Variants in GLT1D1 observed in about 807,000 individuals in gnomAD.
GLT1D1 encodes the protein glycosyltransferase 1 domain containing 1.
In GLT1D1, 21 loss-of-function variants were observed where a neutral mutation model predicts 28.7. The ratio of observed to expected loss-of-function variants is 0.73; its 90% confidence interval spans 0.52 to 1.05. The LOEUF (loss-of-function observed/expected upper bound fraction) is 1.05. Ranked by LOEUF, GLT1D1 falls within the 50% of genes least tolerant of loss-of-function variation. The probability of loss-of-function intolerance (pLI) is 0.00; values close to 1 mark genes in which losing one functional copy is unlikely to be tolerated. For synonymous variants in GLT1D1, 147 were observed against 124.8 expected (o/e 1.18, Z -1.19); for missense variants, 343 against 330.6 (o/e 1.04, Z -0.29).
chr12:128,907,366 C>T (rs1870987497), intron 4 of GLT1D1, among the ~76,000 whole-genome samples: 1 of 147,594 alleles, frequency 6.8e-6, no homozygotes, highest in African/African-American at 2.5e-5. Context: ...AGCACAGTGG[C>T]GTGATCTCGG....
chr12:128,867,169 G>A (rs1277835000), intron 1 of GLT1D1, among the ~76,000 whole-genome samples: 17 of 151,068 alleles, frequency 1.1e-4, no homozygotes, highest in African/African-American at 3.6e-4. Flanking sequence ...CGAGGCGGGC[G>A]GATCACCTGA....
At chr12:128,960,554 T>C (rs141330861) in intron 7 of GLT1D1, among the ~76,000 whole-genome samples, 1 of 152,020 alleles carries the variant, frequency 6.6e-6, no homozygotes, top group East Asian at 1.9e-4. Flanking sequence ...GGTTAGGAGT[T>C]CGAGACAAGC....
Position 128,874,114 on chromosome 12 carries a change from C to T in GLT1D1, c.69-1800C>T, listed in dbSNP as rs1374459181. ...TTTCTTTCTTTCTCTCTCTCTCTCT[C>T]TCTCTCTCTCTCTTTCTTTCTTTCT... is the stretch of plus-strand genomic sequence containing the variant. On this transcript the variant is annotated intron_variant, in intron 1 of 7. Transcript: ENST00000281703. Among the ~76,000 whole-genome samples the T allele has an allele frequency of 1.3e-3, 83 of 62,912 alleles. 1 individual carries two copies. Among genetic ancestry groups the T allele is most frequent in the African/African-American group, 5.0e-3 (73 of 14,548 alleles). 41.3% of individuals were successfully genotyped at this position (62,912 alleles called of 152,430 possible).
chr12:128,876,252 G>A (rs765550815), intron 2 of GLT1D1, among the ~76,000 whole-genome samples, 190 bp downstream of exon 2: 4 of 152,148 alleles, frequency 2.6e-5, no homozygotes, highest in Non-Finnish European at 4.4e-5. Context: ...AAGAATGGAT[G>A]TGTATTGAAA....
chr12:128,861,040 A>G (rs1467374760), intron 1 of GLT1D1, among the ~76,000 whole-genome samples: 1 of 151,830 alleles, frequency 6.6e-6, no homozygotes, highest in Non-Finnish European at 1.5e-5. Flanking sequence ...TGTAAAAAAT[A>G]TTCACGCCGA....
At position 128,877,614 on chromosome 12, in the gene GLT1D1, G is replaced by T. The variant is rs190264191; in HGVS notation, c.217+1552G>T. The stretch of plus-strand genomic sequence containing the variant: ...CTGAGTGGTATAGTATGAAAAGTAA[G>T]CCTGTCTCCCACCTCTTATCCCCAC... On this transcript the variant is annotated intron_variant, in intron 2 of 7. Coordinates refer to ENST00000281703, the MANE Select transcript of GLT1D1 (RefSeq NM_144669.3). 8.5e-5 allele frequency among the ~76,000 whole-genome samples: 13 copies of T among 152,208 alleles called. No homozygotes were observed. In the East Asian group the frequency reaches 2.3e-3, roughly 27 times the overall value.
intron 7 of GLT1D1, among the ~76,000 whole-genome samples, chr12:128,965,161 C>T (rs911538924): frequency 3.3e-5 from 5 of 152,208 alleles, no homozygotes; most frequent in Non-Finnish European, 7.3e-5. Context: ...AAGATATGAA[C>T]TGTGTGGGCC....
Position 128,984,604 on chromosome 12 carries a change from C to T in GLT1D1, c.*1514C>T, listed in dbSNP as rs1250987692. 1.3e-5 allele frequency: 2 copies of T among 149,774 alleles called. No individual in the cohort carries two copies. The highest frequency in any genetic ancestry group is 4.9e-5 in the African/African-American group (2 of 41,010). 9.3% of individuals were successfully genotyped at this position (149,774 alleles called of 1,614,324 possible). A position where few individuals can be genotyped will look rare whatever the true frequency, so the allele number is the denominator to read the frequency against. ...CCACCCCTCGCACCCCTTGTGTTTT[C>T]CCTCTGAGGGGCCCAAGGGTTATGG... On this transcript the variant is annotated 3_prime_UTR_variant, in exon 8 of 8. Coordinates refer to ENST00000281703, the MANE Select transcript of GLT1D1 (RefSeq NM_144669.3).
At chr12:128,958,380 A>C (rs1414323598) in intron 7 of GLT1D1, among the ~76,000 whole-genome samples, 2 of 152,138 alleles carry the variant, frequency 1.3e-5, no homozygotes, top group East Asian at 3.9e-4. Flanking sequence ...AGTTGATGGC[A>C]GAGCTTAGAG....
rs1880601298 is a variant in GLT1D1 at position 128,984,399 on chromosome 12, A to G, written c.*1309A>G. On this transcript the variant is annotated 3_prime_UTR_variant, in exon 8 of 8. Coordinates refer to ENST00000281703, the MANE Select transcript of GLT1D1 (RefSeq NM_144669.3). The stretch of plus-strand genomic sequence containing the variant: ...AAGTAGCCTCAAATTAAACTCCTTA[A>G]ACTCTGATGCCCTGGGGATGAGAAC... 6.6e-6 allele frequency: 1 copy of G among 151,308 alleles called. No homozygotes were observed. The highest frequency in any genetic ancestry group is 1.5e-5 in the Non-Finnish European group (1 of 67,880). 9.4% of individuals were successfully genotyped at this position (151,308 alleles called of 1,614,324 possible).
At position 128,931,917 on chromosome 12, in the gene GLT1D1, G is replaced by GCACACACACACA. The variant is rs372135029; in HGVS notation, c.376-13396_376-13385dup. ...TGAGGATATGTGCACACACACGCAC[G>GCACACACACACA]CACACACACACACACACACACACAA... is the stretch of plus-strand genomic sequence containing the variant. On this transcript the variant is annotated intron_variant, in intron 4 of 7. Coordinates refer to ENST00000281703, the MANE Select transcript of GLT1D1 (RefSeq NM_144669.3). Among the ~76,000 whole-genome samples the GCACACACACACA allele has an allele frequency of 5.5e-3, 769 of 141,096 alleles. 7 individuals carry two copies. The highest frequency in any genetic ancestry group is 0.019 in the African/African-American group (732 of 38,786). The allele number at this position is 141,096 out of a possible 152,430, so 92.6% of individuals were successfully genotyped here.
chr12:128,944,750 A>G (rs1014740177), intron 4 of GLT1D1: 12 of 544,256 alleles, frequency 2.2e-5, no homozygotes, highest in Non-Finnish European at 3.8e-5. Context: ...ATCATTTGGG[A>G]TGAGTTTCCC....
intron 1 of GLT1D1, among the ~76,000 whole-genome samples, chr12:128,854,460 A>T (rs1167916438): frequency 6.7e-6 from 1 of 148,948 alleles, no homozygotes; most frequent in African/African-American, 2.5e-5. Context: ...TGCTTCATGA[A>T]ATTTCCCGAT....
chr12:128,943,408 A>G (rs1875599654), intron 4 of GLT1D1, among the ~76,000 whole-genome samples: 1 of 149,752 alleles, frequency 6.7e-6, no homozygotes. Flanking sequence ...ATCAGGGCGG[A>G]TCATACATTT....
rs60663875 is a variant in GLT1D1 at position 128,941,905 on chromosome 12, CTTTT to C, written c.376-3400_376-3397del. The stretch of plus-strand genomic sequence containing the variant: ...CCGTGCCTGGTCTCTCTCTCTCTCT[CTTTT>C]TTTTTTTTTTTTTTTTTTTTACTAT... On this transcript the variant is annotated intron_variant, in intron 4 of 7. Transcript: ENST00000281703. 4.8e-3 allele frequency among the ~76,000 whole-genome samples: 365 copies of C among 75,356 alleles called. 3 individuals carry two copies. Among genetic ancestry groups the C allele is most frequent in the African/African-American group, 0.017 (303 of 18,168 alleles). The allele number at this position is 75,356 out of a possible 152,430, so 49.4% of individuals were successfully genotyped here.
chr12:128,977,488 G>T (rs993731607), intron 7 of GLT1D1, among the ~76,000 whole-genome samples: 2 of 152,022 alleles, frequency 1.3e-5, no homozygotes, highest in Non-Finnish European at 2.9e-5. Flanking sequence ...ATTACCTGTT[G>T]ATATTTAACA....
At chr12:128,893,161 C>T (rs1264102112) in intron 3 of GLT1D1, among the ~76,000 whole-genome samples, 2 of 152,144 alleles carry the variant, frequency 1.3e-5, no homozygotes, top group East Asian at 3.9e-4. Context: ...AAGAGAATCG[C>T]TTGAACCTGA....
In GLT1D1 at chr12:128,983,360, G is replaced by A; in HGVS notation, c.*270G>A. The A allele has an allele frequency of 7.6e-6, 3 of 396,282 alleles. No homozygotes were observed. Among genetic ancestry groups the A allele is most frequent in the East Asian group, 8.1e-5 (2 of 24,624 alleles). The allele number at this position is 396,282 out of a possible 1,614,324, so 24.5% of individuals were successfully genotyped here. On this transcript the variant is annotated 3_prime_UTR_variant, in exon 8 of 8. Coordinates refer to ENST00000281703, the MANE Select transcript of GLT1D1 (RefSeq NM_144669.3). The surrounding 1 kb of genome is among the most constrained non-coding windows in gnomAD (Gnocchi z 4.7). The stretch of plus-strand genomic sequence containing the variant: ...GACTGGGACAGGGAAAGGGGAACTG[G>A]TTTTCAGGGAATTTGGGAGAGAATT...
intron 2 of GLT1D1, among the ~76,000 whole-genome samples, chr12:128,886,504 T>C (rs185492578): frequency 1.1e-3 from 175 of 152,250 alleles, no homozygotes; most frequent in Admixed American, 2.0e-3. Flanking sequence ...GAAATTCAGG[T>C]GTCAGCAGCT....
Sources: allele counts gnomAD v4.1 joint callset (sites outside exome capture counted in the v4.1 genomes callset), GRCh38; gene constraint gnomAD v4.1.1; non-coding constraint Gnocchi (gnomAD v3.1); transcripts MANE v1.5; gene names NCBI Gene and HGNC (gene_info 2026-07-23, HGNC 2026-07-21).